Variants in ILRUN observed in about 807,000 individuals in gnomAD.
The protein encoded by ILRUN is protein ILRUN.
In ILRUN, 3 loss-of-function variants were observed where a neutral mutation model predicts 33.8. The ratio of observed to expected loss-of-function variants is 0.09; its 90% CI spans 0.04 to 0.23. The LOEUF is 0.23. Ranked by LOEUF, ILRUN falls within the 10% of genes least tolerant of loss-of-function variation. The probability of loss-of-function intolerance (pLI) is 1.00; values close to 1 mark genes in which losing one functional copy is unlikely to be tolerated. For synonymous variants in ILRUN, 124 were observed against 138.9 expected, an observed-to-expected ratio of 0.89 and a Z score of 0.75; for missense variants, 210 against 375.1, an observed-to-expected ratio of 0.56 and a Z score of 3.64.
intron 1 of ILRUN, among the ~76,000 whole-genome samples, chr6:34,682,799 T>C (rs915295044): frequency 6.6e-6 from 1 of 152,036 alleles, no homozygotes; most frequent in African/African-American, 2.4e-5. Context: ...AAAATATCGA[T>C]CCTTTTGTAG....
At chr6:34,683,421 TATATATAC>T (rs1234367506) in intron 1 of ILRUN, among the ~76,000 whole-genome samples, 1 of 63,264 alleles carries the variant, frequency 1.6e-5, no homozygotes, top group Non-Finnish European at 2.6e-5. Flanking sequence ...TATATATACA[TATATATAC>T]ATATATATAT....
At chr6:34,616,496 G>T in intron 3 of ILRUN, 1 of 790,274 alleles carries the variant, frequency 1.3e-6, no homozygotes. Context: ...CCAACAGTAG[G>T]CAGTGCAAAA....
Position 34,683,451 on chromosome 6 carries a change from TACATATATATACATATATATACAC to T in ILRUN, c.158+12971_158+12994del, listed in dbSNP as rs1562032963. Among the ~76,000 whole-genome samples, 9 of 99,274 alleles carry T rather than the reference TACATATATATACATATATATACAC, an allele frequency of 9.1e-5. No individual in the cohort carries two copies. The South Asian group carries it at 1.3e-3, about 14-fold the overall frequency. The allele number at this position is 99,274 out of a possible 152,430, so 65.1% of individuals were successfully genotyped here. ...ATACATATATATATACATATATATA[TACATATATATACATATATATACAC>T]ATATATATATACATATATATATACA... On this transcript the variant is annotated intron_variant, in intron 1 of 4. Coordinates refer to ENST00000374023, the MANE Select transcript of ILRUN (RefSeq NM_024294.4).
intron 3 of ILRUN, among the ~76,000 whole-genome samples, chr6:34,641,714 G>C (rs953375722): frequency 2.0e-5 from 3 of 152,110 alleles, no homozygotes; most frequent in Non-Finnish European, 2.9e-5. Context: ...ACAAAGTCCT[G>C]AGAAACAACT....
In ILRUN at chr6:34,674,480, C is replaced by T. The variant is rs143032516; in HGVS notation, c.159-19701G>A. ...TGCTCTTCACCACTACTTTGGCTAT[C>T]ACAAAGCAAAATCCTTATCTCCCTG... On this transcript the variant is annotated intron_variant, in intron 1 of 4. Coordinates refer to ENST00000374023, the MANE Select transcript of ILRUN (RefSeq NM_024294.4). Among the ~76,000 whole-genome samples the T allele has an allele frequency of 2.1e-3, 314 of 152,210 alleles. 2 individuals are homozygous for T. The highest frequency in any genetic ancestry group is 7.2e-3 in the African/African-American group (297 of 41,514).
chr6:34,671,384 CAAA>C (rs1049556994), intron 1 of ILRUN, among the ~76,000 whole-genome samples: 1 of 151,814 alleles, frequency 6.6e-6, no homozygotes, highest in Non-Finnish European at 1.5e-5. Context: ...GACCCTGTCC[CAAA>C]AAAAGCAAAA....
chr6:34,653,881 GGATCGCCTGAGCCCAA>G (rs1762718285), intron 2 of ILRUN, among the ~76,000 whole-genome samples: 1 of 151,306 alleles, frequency 6.6e-6, no homozygotes, highest in African/African-American at 2.4e-5. Context: ...TGAGGCAGGA[GGATCGCCTGAGCCCAA>G]GAGTTTAAGG....
At chr6:34,690,269 T>C (rs572702497) in intron 1 of ILRUN, among the ~76,000 whole-genome samples, 1 of 152,210 alleles carries the variant, frequency 6.6e-6, no homozygotes, top group Non-Finnish European at 1.5e-5. Context: ...GAGACCAGCC[T>C]GGCCAACATG....
intron 2 of ILRUN, among the ~76,000 whole-genome samples, chr6:34,653,842 G>A (rs776419516): frequency 1.1e-4 from 16 of 151,994 alleles, no homozygotes; most frequent in Non-Finnish European, 1.8e-4. Context: ...AGTAGTGCAC[G>A]CCTGTGGACC....
At chr6:34,637,038 T>C (rs1476035063) in intron 3 of ILRUN, among the ~76,000 whole-genome samples, 1 of 152,184 alleles carries the variant, frequency 6.6e-6, no homozygotes, top group Non-Finnish European at 1.5e-5. Context: ...AATGTTTTCA[T>C]TTAATATGGC....
chr6:34,621,461 G>A (rs1762010967), intron 3 of ILRUN, among the ~76,000 whole-genome samples: 1 of 152,166 alleles, frequency 6.6e-6, no homozygotes, highest in African/African-American at 2.4e-5. Context: ...GGATCAGGCT[G>A]TTACCACCTG....
chr6:34,688,645 T>C (rs112792910), intron 1 of ILRUN, among the ~76,000 whole-genome samples: 291 of 152,166 alleles, frequency 1.9e-3, no homozygotes, highest in Admixed American at 3.3e-3. Flanking sequence ...AAACCCCATC[T>C]CTACAAAAAA....
chr6:34,675,064 T>A (rs766660641), intron 1 of ILRUN, among the ~76,000 whole-genome samples: 8 of 152,174 alleles, frequency 5.3e-5, no homozygotes, highest in Non-Finnish European at 1.0e-4. Flanking sequence ...GCTAATCACC[T>A]GAGGTTAAGA....
intron 3 of ILRUN, among the ~76,000 whole-genome samples, chr6:34,612,737 T>A (rs550430530): frequency 6.6e-6 from 1 of 152,210 alleles, no homozygotes; most frequent in African/African-American, 2.4e-5. Flanking sequence ...TGAAACCCCA[T>A]CCCTACTAAA....
At chr6:34,680,733 C>T (rs916643253) in intron 1 of ILRUN, among the ~76,000 whole-genome samples, 1 of 152,108 alleles carries the variant, frequency 6.6e-6, no homozygotes, top group Admixed American at 6.6e-5. Context: ...GCCATCACGA[C>T]TGGCCTATTT....
rs548128434 is a variant in ILRUN, at chr6:34,603,544, G to A, written c.861+3011C>T. Among the ~76,000 whole-genome samples the A allele has an allele frequency of 4.0e-4, 61 of 152,168 alleles. No homozygotes were observed. The East Asian group carries it at 0.011, about 28-fold the overall frequency. ...CAGCTACCCGGGAGGCTGAGATAGA[G>A]GATTGCTTGAGCCCAGGAAGTCAAG... On this transcript the variant is annotated intron_variant, in intron 4 of 4. Transcript: ENST00000374023.
chr6:34,693,882 G>A (rs1299814053), intron 1 of ILRUN, among the ~76,000 whole-genome samples: 5 of 151,872 alleles, frequency 3.3e-5, no homozygotes, highest in Admixed American at 6.6e-5. Flanking sequence ...AGAGTGCAAT[G>A]GTGCGATTTC....
rs1236322895 is a variant in ILRUN, at chr6:34,591,780, C to T, written c.862-1180G>A. Among the ~76,000 whole-genome samples the T allele has an allele frequency of 2.6e-5, 4 of 152,096 alleles. No individual in the cohort carries two copies. In the South Asian group the frequency reaches 6.2e-4, roughly 24 times the overall value. On this transcript the variant is annotated intron_variant, in intron 4 of 4. Coordinates refer to ENST00000374023, the MANE Select transcript of ILRUN (RefSeq NM_024294.4). ...CTGGGATTACAGGTGTGAGCCACCG[C>T]GCCTGGCCAATCCTGTCTCAAGCTT... is the stretch of plus-strand genomic sequence containing the variant.
At chr6:34,620,973 A>C (rs939117373) in intron 3 of ILRUN, among the ~76,000 whole-genome samples, 1 of 152,336 alleles carries the variant, frequency 6.6e-6, no homozygotes, top group South Asian at 2.1e-4. Flanking sequence ...AAAATCCATA[A>C]CACTACTTTA....
Sources: gnomAD v4.1 joint callset for allele counts (sites outside exome capture counted in the v4.1 genomes callset) on GRCh38, gnomAD v4.1.1 for gene constraint, MANE v1.5 for transcripts, NCBI Gene and HGNC (gene_info 2026-07-23, HGNC 2026-07-21) for gene names.